The following VPS54 variants were observed in gnomAD, a reference collection of about 807,000 sequenced individuals.
VPS54 encodes the protein vacuolar protein sorting-associated protein 54.
Under a neutral mutation model 121.5 loss-of-function variants are expected in VPS54, and 45 were observed. That is an observed-to-expected ratio of 0.37 (90% CI 0.29 to 0.47). The LOEUF is 0.47. VPS54 is among the 20% of genes least tolerant of loss of function. The pLI, the probability that VPS54 is intolerant of heterozygous loss-of-function variation, is 0.99. For missense variants in VPS54, 1,090 were observed against 1,131.4 expected (o/e 0.96, Z 0.52); for synonymous variants, 371 against 385.8 (o/e 0.96, Z 0.45).
intron 7 of VPS54, 80 bp downstream of exon 7, chr2:63,961,978 A>T (rs751899507): frequency 4.1e-5 from 56 of 1,374,282 alleles, no homozygotes; most frequent in Non-Finnish European, 5.3e-5. Flanking sequence ...GAATATATTC[A>T]CACTTTTAAC....
At chr2:63,912,144 G>A (rs1210003339) in intron 20 of VPS54, among the ~76,000 whole-genome samples, 4 of 152,078 alleles carry the variant, frequency 2.6e-5, no homozygotes, top group African/African-American at 9.7e-5. Flanking sequence ...TTAGATAACT[G>A]CAGGTTAGAC....
intron 5 of VPS54, among the ~76,000 whole-genome samples, chr2:63,968,119 C>T (rs911123962): frequency 4.6e-5 from 7 of 152,054 alleles, no homozygotes; most frequent in African/African-American, 1.4e-4. Context: ...TGTCTTTCAT[C>T]TCTTTCTTAC....
At chr2:63,923,838 C>T (rs572476005) in intron 12 of VPS54, among the ~76,000 whole-genome samples, 19 of 152,188 alleles carry the variant, frequency 1.2e-4, no homozygotes, top group African/African-American at 2.2e-4. Flanking sequence ...AAAGTTAGAA[C>T]GTCAGACGTA....
intron 15 of VPS54, among the ~76,000 whole-genome samples, chr2:63,919,489 A>C (rs1225027475): frequency 6.6e-6 from 1 of 152,132 alleles, no homozygotes; most frequent in East Asian, 1.9e-4. Context: ...AATACGGTAT[A>C]GTAGCTAAGA....
chr2:63,928,979 TA>T (rs1339316391), intron 12 of VPS54, among the ~76,000 whole-genome samples: 1 of 151,956 alleles, frequency 6.6e-6, no homozygotes, highest in East Asian at 1.9e-4. Flanking sequence ...CTATCCTAAA[TA>T]TATATACAAC....
intron 21 of VPS54, among the ~76,000 whole-genome samples, chr2:63,898,618 G>C (rs1053059222): frequency 6.6e-6 from 1 of 152,062 alleles, no homozygotes; most frequent in Non-Finnish European, 1.5e-5. Flanking sequence ...CCATTTCCAC[G>C]CACTCAACCA....
chr2:63,902,412 G>C (rs1454695124), intron 20 of VPS54, among the ~76,000 whole-genome samples: 7 of 152,110 alleles, frequency 4.6e-5, no homozygotes, highest in African/African-American at 1.4e-4. Context: ...CAACAAAACA[G>C]ACACCTAGCT....
chr2:64,003,515 T>C (rs1051546389), intron 1 of VPS54, among the ~76,000 whole-genome samples: 4 of 152,220 alleles, frequency 2.6e-5, no homozygotes, highest in African/African-American at 7.2e-5. Context: ...TTTCTTGATG[T>C]TTCTGTTTTT....
At chr2:63,939,770 T>TC (rs1401104779) in intron 11 of VPS54, among the ~76,000 whole-genome samples, 1 of 151,650 alleles carries the variant, frequency 6.6e-6, no homozygotes, top group African/African-American at 2.4e-5. Context: ...ATCTTGCCTT[T>TC]TTTTTTTTTA....
At chr2:63,919,401 ATC>A (rs1673533151) in intron 15 of VPS54, among the ~76,000 whole-genome samples, 1 of 152,070 alleles carries the variant, frequency 6.6e-6, no homozygotes, top group Non-Finnish European at 1.5e-5. Flanking sequence ...TACAGCTGTT[ATC>A]TCTGTCTCAA....
chr2:63,925,601 CA>C (rs1353549140), intron 12 of VPS54, among the ~76,000 whole-genome samples: 1 of 152,084 alleles, frequency 6.6e-6, no homozygotes, highest in African/African-American at 2.4e-5. Flanking sequence ...CAAATCTTAT[CA>C]AAAGTAAAAT....
intron 4 of VPS54, among the ~76,000 whole-genome samples, chr2:63,969,677 G>T (rs1349995099): frequency 2.0e-5 from 3 of 151,892 alleles, no homozygotes; most frequent in African/African-American, 7.3e-5. Context: ...CATAATAAAG[G>T]TTCATCCCAA....
rs1371840708 is a variant in VPS54 at position 63,942,508 on chromosome 2, T to C, written c.1355A>G (p.Lys452Arg). The C allele has an allele frequency of 1.9e-6, 3 of 1,599,186 alleles. No individual in the cohort carries two copies. In the South Asian group the frequency reaches 3.4e-5, roughly 18 times the overall value. ...AATTGTAAACTTAGAGAAAATATCC[T>C]TGAGCAGATCAAACCACTGGGGAAA... The part of the protein sequence containing the change: ...LNFPQWFDLL[K>R]DIFSKFTIFL... Residue 452 changes from lysine to arginine, a missense_variant, in exon 11 of 23, where the codon AAG (lysine) becomes AGG (arginine). Physicochemically the swap from Lys to Arg is conservative, Grantham distance 26. This residue lies in a region of VPS54 where 801 missense variants were observed against 757.0 expected (regional missense o/e 1.06). Coordinates refer to ENST00000272322, the MANE Select transcript of VPS54 (RefSeq NM_016516.3).
chr2:63,913,944 C>A, intron 17 of VPS54: 1 of 1,300,902 alleles, frequency 7.7e-7, no homozygotes, highest in Non-Finnish European at 9.8e-7. Flanking sequence ...CAAATCATCT[C>A]CTGTCTCCAA....
chr2:63,948,926 T>C lies in VPS54; in HGVS notation c.1137+111A>G, dbSNP rs545982908. The stretch of plus-strand genomic sequence containing the variant: ...CTAGTGAAGGACTTCATAGGTCTGA[T>C]AGCCCTTGAAATTTAAGATAATTTT... On this transcript the variant is annotated intron_variant, in intron 8 of 22. Coordinates refer to ENST00000272322, the MANE Select transcript of VPS54 (RefSeq NM_016516.3). 140 of 1,347,662 alleles carry C rather than the reference T, an allele frequency of 1.0e-4. No individual in the cohort carries two copies. The East Asian group carries it at 1.3e-3, about 12-fold the overall frequency. 83.5% of individuals were successfully genotyped at this position (1,347,662 alleles called of 1,614,324 possible).
In VPS54 at chr2:63,919,925, G is replaced by A. The variant is rs1280809209; in HGVS notation, c.2122C>T (p.Leu708=). ...PAEFQDLVDS[L]SDGKIALPEK... ...GGTAAAGCAATCTTCCCATCTGACAGAGAATCAACAAGATCCTGAAATTCT... is the reference window on the plus strand; with the variant it reads ...GGTAAAGCAATCTTCCCATCTGACAAAGAATCAACAAGATCCTGAAATTCT... The change falls in exon 15 of 23, where the codon CTG becomes TTG. Residue 708 remains leucine (L), a synonymous_variant. Transcript: ENST00000272322. The A allele has an allele frequency of 1.2e-6, 2 of 1,611,596 alleles. No individual in the cohort carries two copies. Among genetic ancestry groups the A allele is most frequent in the Non-Finnish European group, 1.7e-6 (2 of 1,178,534 alleles).
intron 7 of VPS54, 75 bp downstream of exon 7, chr2:63,961,983 T>A (rs1675790901): frequency 1.4e-6 from 2 of 1,417,954 alleles, no homozygotes; most frequent in Non-Finnish European, 1.9e-6. Context: ...TATTCACACT[T>A]TTAACATTAC....
chr2:64,010,166 C>CT (rs1678363311), intron 1 of VPS54, among the ~76,000 whole-genome samples: 1 of 152,040 alleles, frequency 6.6e-6, no homozygotes, highest in South Asian at 2.1e-4. Flanking sequence ...TATAAATGAA[C>CT]TTTTTTAAAA....
At chr2:63,932,624 C>G (rs1224940765) in intron 12 of VPS54, among the ~76,000 whole-genome samples, 1 of 150,748 alleles carries the variant, frequency 6.6e-6, no homozygotes, top group Non-Finnish European at 1.5e-5. Context: ...ACTGCACTTT[C>G]TGCACATGTA....
Sources: gnomAD v4.1 joint callset for allele counts (sites outside exome capture counted in the v4.1 genomes callset) on GRCh38, gnomAD v4.1.1 for gene constraint, gnomAD v4.1.1 regional missense constraint, MANE v1.5 for transcripts, NCBI Gene and HGNC (gene_info 2026-07-23, HGNC 2026-07-21) for gene names.